The following RBFOX1 variants were observed in gnomAD, a reference collection of about 807,000 sequenced individuals.
RBFOX1 encodes RNA binding protein fox-1 homolog 1.
In RBFOX1, 8 loss-of-function variants were observed where a neutral mutation model predicts 57.7. The observed-to-expected ratio is 0.14, with a 90% confidence interval of 0.08 to 0.25. The LOEUF is 0.25. Ranked by LOEUF, RBFOX1 falls within the 10% of genes least tolerant of loss-of-function variation. The probability of loss-of-function intolerance (pLI) is 1.00; values close to 1 mark genes in which losing one functional copy is unlikely to be tolerated. For synonymous variants in RBFOX1, 326 were observed against 222.4 expected (o/e 1.47, Z -4.15); for missense variants, 611 against 548.5 (o/e 1.11, Z -1.14).
At chr16:6,570,278 G>C (rs556177915) in intron 2 of RBFOX1, among the ~76,000 whole-genome samples, 1 of 152,160 alleles carries the variant, frequency 6.6e-6, no homozygotes, top group African/African-American at 2.4e-5. Flanking sequence ...ATACTCTTTT[G>C]TTTTGAAAAT....
chr16:7,601,342 G>A (rs1224150611), intron 9 of RBFOX1, among the ~76,000 whole-genome samples: 1 of 152,128 alleles, frequency 6.6e-6, no homozygotes, highest in Non-Finnish European at 1.5e-5. Flanking sequence ...CACAATGCTA[G>A]GTATGCAAAG....
At chr16:7,060,774 C>G (rs369187003) in intron 4 of RBFOX1, among the ~76,000 whole-genome samples, 1 of 152,130 alleles carries the variant, frequency 6.6e-6, no homozygotes, top group African/African-American at 2.4e-5. Flanking sequence ...TTCGGCTGTT[C>G]CAGAATTCTC....
At chr16:5,964,606 TA>T (rs1367903865) in intron 4 of RBFOX1, among the ~76,000 whole-genome samples, 1 of 152,076 alleles carries the variant, frequency 6.6e-6, no homozygotes, top group Non-Finnish European at 1.5e-5. Flanking sequence ...TATCTATGTA[TA>T]TATATATCTC....
At chr16:6,914,534 C>T (rs2072599321) in intron 3 of RBFOX1, among the ~76,000 whole-genome samples, 1 of 151,214 alleles carries the variant, frequency 6.6e-6, no homozygotes, top group Non-Finnish European at 1.5e-5. Flanking sequence ...CTCTGGACAT[C>T]AGTTTTCAGC....
chr16:6,197,684 T>C (rs2152823128), intron 1 of RBFOX1, among the ~76,000 whole-genome samples: 1 of 152,180 alleles, frequency 6.6e-6, no homozygotes, highest in South Asian at 2.1e-4. Context: ...TATGTTGTTT[T>C]CTTATATAGA....
At chr16:6,994,319 TGTAA>T (rs1380661425) in intron 3 of RBFOX1, among the ~76,000 whole-genome samples, 1 of 152,148 alleles carries the variant, frequency 6.6e-6, no homozygotes, top group Non-Finnish European at 1.5e-5. Flanking sequence ...CAGGGTTGGA[TGTAA>T]GTGTCTAGAG....
chr16:6,151,359 C>T (rs1316841126), intron 1 of RBFOX1, among the ~76,000 whole-genome samples: 1 of 152,144 alleles, frequency 6.6e-6, no homozygotes, highest in Non-Finnish European at 1.5e-5. Flanking sequence ...GATCTCGGCT[C>T]ACTGCAACCT....
At chr16:6,858,518 G>C (rs1333809622) in intron 3 of RBFOX1, among the ~76,000 whole-genome samples, 4 of 152,248 alleles carry the variant, frequency 2.6e-5, no homozygotes, top group African/African-American at 9.6e-5. Context: ...AGCTGCTTTT[G>C]TATCACGCTT....
intron 1 of RBFOX1, among the ~76,000 whole-genome samples, chr16:6,201,647 C>G (rs2097216195): frequency 6.6e-6 from 1 of 151,916 alleles, no homozygotes; most frequent in South Asian, 2.1e-4. Flanking sequence ...AGTGTATTTT[C>G]TAAAATAACT....
intron 3 of RBFOX1, among the ~76,000 whole-genome samples, chr16:5,692,041 TG>T (rs2050697220): frequency 6.6e-6 from 1 of 152,058 alleles, no homozygotes; most frequent in Non-Finnish European, 1.5e-5. Flanking sequence ...TGCCATTCTG[TG>T]TACATCCCCA....
intron 3 of RBFOX1, among the ~76,000 whole-genome samples, chr16:6,995,637 G>A (rs1157064748): frequency 6.6e-6 from 1 of 152,098 alleles, no homozygotes; most frequent in Non-Finnish European, 1.5e-5. Context: ...GTGCACGCTT[G>A]TAATCCCAGC....
intron 3 of RBFOX1, among the ~76,000 whole-genome samples, chr16:6,914,278 A>G (rs2072507632): frequency 6.6e-6 from 1 of 152,168 alleles, no homozygotes; most frequent in Admixed American, 6.5e-5. Flanking sequence ...GAAAATAATC[A>G]TTATAATTAT....
intron 4 of RBFOX1, among the ~76,000 whole-genome samples, chr16:5,988,942 C>G (rs751017402): frequency 1.3e-5 from 2 of 152,136 alleles, no homozygotes; most frequent in Non-Finnish European, 2.9e-5. Context: ...AACCCTCCCT[C>G]TGTCCTGCAT....
chr16:7,146,479 G>A (rs924565684), intron 4 of RBFOX1, among the ~76,000 whole-genome samples: 2 of 152,294 alleles, frequency 1.3e-5, no homozygotes, highest in Admixed American at 6.5e-5. Context: ...AACAAAGGTG[G>A]TCTTCAGCTT....
intron 1 of RBFOX1, among the ~76,000 whole-genome samples, chr16:6,164,711 C>G (rs2096904202): frequency 6.6e-6 from 1 of 152,066 alleles, no homozygotes; most frequent in Non-Finnish European, 1.5e-5. Context: ...TTTCTGACCT[C>G]TGGTGATCCA....
At chr16:6,977,954 C>G (rs1331286592) in intron 3 of RBFOX1, among the ~76,000 whole-genome samples, 1 of 43,514 alleles carries the variant, frequency 2.3e-5, no homozygotes, top group Non-Finnish European at 4.9e-5. Context: ...AAAAAAAAGG[C>G]AAACCTCCTT....
chr16:7,056,039 C>T (rs2052105936), intron 4 of RBFOX1, among the ~76,000 whole-genome samples: 1 of 152,078 alleles, frequency 6.6e-6, no homozygotes, highest in South Asian at 2.1e-4. Flanking sequence ...TTGTATTTTG[C>T]CTTGTGTAAT....
intron 3 of RBFOX1, among the ~76,000 whole-genome samples, chr16:7,019,063 AGT>A (rs949500968): frequency 5.9e-5 from 9 of 151,650 alleles, no homozygotes; most frequent in South Asian, 2.1e-4. Context: ...AGTTTTTAGA[AGT>A]GTGTGTGTGT....
At chr16:6,967,921 C>A (rs2084639841) in intron 3 of RBFOX1, among the ~76,000 whole-genome samples, 1 of 152,168 alleles carries the variant, frequency 6.6e-6, no homozygotes, top group African/African-American at 2.4e-5. Flanking sequence ...CTCCCACCAA[C>A]TGTTCAGCTG....
Sources: gnomAD v4.1 joint callset for allele counts (sites outside exome capture counted in the v4.1 genomes callset) on GRCh38, gnomAD v4.1.1 for gene constraint, MANE v1.5 for transcripts, NCBI Gene and HGNC (gene_info 2026-07-23, HGNC 2026-07-21) for gene names.